Variants in GSDMA observed in about 807,000 individuals in gnomAD.
GSDMA encodes the protein gasdermin A.
GSDMA carries 55 observed loss-of-function variants against 54.3 expected under a neutral mutation model. That is an observed-to-expected ratio of 1.01 (90% CI 0.82 to 1.27). The LOEUF (loss-of-function observed/expected upper bound fraction) is 1.27, where lower values mean the gene tolerates loss of function less well. GSDMA is among the 50% of genes most tolerant of loss of function. The probability of loss-of-function intolerance (pLI) is 0.00; values close to 1 mark genes in which losing one functional copy is unlikely to be tolerated. For synonymous variants in GSDMA, 211 were observed against 224.7 expected (o/e 0.94, Z 0.54); for missense variants, 542 against 542.6 (o/e 1.00, Z 0.01).
Position 39,965,872 on chromosome 17 carries a change from A to G in GSDMA, c.185A>G (p.Asp62Gly). ...GTCCGCACCGACTACACGCTGCTGG[A>G]TGTGCTTGAGCCCGGCAGCTCACCT... is the stretch of plus-strand genomic sequence containing the variant. ...RYVRTDYTLL[D>G]VLEPGSSPSD... The change falls in exon 2 of 12, where the codon GAT (aspartate) becomes GGT (glycine). Residue 62 changes from aspartate (D) to glycine (G), a missense_variant. Physicochemically the swap from Asp to Gly is moderately conservative, Grantham distance 94 (BLOSUM62 -1). Coordinates refer to ENST00000301659, the MANE Select transcript of GSDMA (RefSeq NM_178171.5). The G allele has an allele frequency of 6.4e-7, 1 of 1,558,396 alleles. No individual in the cohort carries two copies. Among genetic ancestry groups the G allele is most frequent in the Non-Finnish European group, 8.7e-7 (1 of 1,151,336 alleles).
At chr17:39,974,867 T>C (rs768362984) in intron 9 of GSDMA, 33 bp from the exon 10 acceptor site, 3 of 1,295,082 alleles carry the variant, frequency 2.3e-6, no homozygotes, top group Non-Finnish European at 3.3e-6. Context: ...CTTTCCTATG[T>C]TATCTTCAAT....
At position 39,966,329 on chromosome 17, in the gene GSDMA, T is replaced by C. The variant is rs192169308; in HGVS notation, c.284T>C (p.Val95Ala). The change falls in exon 3 of 12, where the codon GTA becomes GCA. Residue 95 changes from valine (V) to alanine (A), a missense_variant. By Grantham distance (64) the Val-to-Ala change is moderately conservative (BLOSUM62 0). Transcript: ENST00000301659. ...LDTRVEGDVD[V>A]PKTVKVKGTA... Reference sequence around the variant, plus strand: ...ACCCGAGTGGAGGGAGATGTGGATGTACCAAAGACGGTGAAGGTGAAGGGA... The same window carrying C: ...ACCCGAGTGGAGGGAGATGTGGATGCACCAAAGACGGTGAAGGTGAAGGGA... 10 of 1,613,894 alleles carry C rather than the reference T, an allele frequency of 6.2e-6. No homozygotes were observed. In the Admixed American group the frequency reaches 1.0e-4, roughly 16 times the overall value.
At chr17:39,966,780 A>G (rs551858235) in intron 3 of GSDMA, among the ~76,000 whole-genome samples, 3 of 152,176 alleles carry the variant, frequency 2.0e-5, no homozygotes, top group African/African-American at 7.2e-5. Context: ...TTGAATGATC[A>G]TCTCTAAGGC....
intron 2 of GSDMA, 38 bp from the exon 3 acceptor site, chr17:39,966,222 C>T (rs1476313865): frequency 6.2e-7 from 1 of 1,609,148 alleles, no homozygotes; most frequent in Non-Finnish European, 8.5e-7. Context: ...TTACTGCACC[C>T]AGCCAGCCCA....
At chr17:39,972,289 C>A (rs1979989251) in intron 6 of GSDMA, 113 bp downstream of exon 6, 3 of 781,932 alleles carry the variant, frequency 3.8e-6, no homozygotes, top group Non-Finnish European at 6.4e-6. Context: ...GGAGCCTCTG[C>A]TTTTGTTTCC....
chr17:39,972,740 C>A, intron 7 of GSDMA, 127 bp downstream of exon 7: 1 of 865,876 alleles, frequency 1.2e-6, no homozygotes, highest in Non-Finnish European at 1.9e-6. Flanking sequence ...TAATTGTCCC[C>A]GAAACATGGC....
chr17:39,974,224 G>T, intron 8 of GSDMA, 49 bp from the exon 9 acceptor site: 1 of 1,551,188 alleles, frequency 6.4e-7, no homozygotes. Context: ...GCTGACTGGA[G>T]AGGAAGGTGC....
chr17:39,964,628 G>A (rs1379201536), intron 1 of GSDMA, among the ~76,000 whole-genome samples: 1 of 152,024 alleles, frequency 6.6e-6, no homozygotes, highest in African/African-American at 2.4e-5. Flanking sequence ...AGGGGAGTGG[G>A]TGTACTCATA....
chr17:39,966,608 C>T (rs1402714991), intron 3 of GSDMA, among the ~76,000 whole-genome samples, 171 bp downstream of exon 3: 1 of 152,164 alleles, frequency 6.6e-6, no homozygotes, highest in Non-Finnish European at 1.5e-5. Flanking sequence ...TGCATCCAGG[C>T]CATTTCCTAG....
At chr17:39,972,250 C>A in intron 6 of GSDMA, 74 bp downstream of exon 6, 3 of 1,011,996 alleles carry the variant, frequency 3.0e-6, no homozygotes, top group Non-Finnish European at 4.6e-6. Context: ...ATCCTCCACC[C>A]TCTCCTAGCT....
chr17:39,972,100 T>TGGCC, intron 5 of GSDMA, 29 bp from the exon 6 acceptor site: 7 of 835,082 alleles, frequency 8.4e-6, no homozygotes, highest in Non-Finnish European at 1.0e-5. Context: ...CTAAGTGTCC[T>TGGCC]CCCACCCTCC....
intron 3 of GSDMA, among the ~76,000 whole-genome samples, chr17:39,970,088 G>A (rs1046306393): frequency 1.3e-5 from 2 of 151,212 alleles, no homozygotes; most frequent in Admixed American, 6.6e-5. Flanking sequence ...GGAGGAAAGA[G>A]GGGGGGAGCA....
At chr17:39,973,784 T>G (rs1312355678) in intron 7 of GSDMA, 26 bp from the exon 8 acceptor site, 1 of 1,598,564 alleles carries the variant, frequency 6.3e-7, no homozygotes, top group African/African-American at 1.3e-5. Context: ...TGCATTCTTA[T>G]CTTTTTTTTT....
chr17:39,965,880 G>C lies in GSDMA; in HGVS notation c.193G>C (p.Glu65Gln), dbSNP rs1841401255. ...RTDYTLLDVL[E>Q]PGSSPSDPTD... Reference sequence around the variant, plus strand: ...CGACTACACGCTGCTGGATGTGCTTGAGCCCGGCAGCTCACCTTCAGGTCA... The same window carrying C: ...CGACTACACGCTGCTGGATGTGCTTCAGCCCGGCAGCTCACCTTCAGGTCA... The change falls in exon 2 of 12, where the codon GAG becomes CAG. Residue 65 changes from glutamate to glutamine, a missense_variant. Transcript: ENST00000301659. 1.3e-6 allele frequency: 2 copies of C among 1,555,432 alleles called. No homozygotes were observed. Among genetic ancestry groups the C allele is most frequent in the Non-Finnish European group, 1.7e-6 (2 of 1,149,552 alleles).
rs982400648 is a variant in GSDMA, at chr17:39,965,723, C to T, written c.36C>T (p.Ala12=). 6.2e-7 allele frequency: 1 copy of T among 1,611,164 alleles called. No homozygotes were observed. ...TTGAAAATGTCACCCGGGCCCTGGC[C>T]AGACAGCTAAACCCTCGAGGGGACC... ...TMFENVTRAL[A]RQLNPRGDLT... is the part of the protein sequence containing the mutation. The change falls in exon 2 of 12, where the codon GCC becomes GCT. Residue 12 remains alanine (A), a synonymous_variant. Coordinates refer to ENST00000301659, the MANE Select transcript of GSDMA (RefSeq NM_178171.5).
intron 2 of GSDMA, 26 bp downstream of exon 2, chr17:39,965,927 T>C: frequency 1.3e-6 from 2 of 1,537,680 alleles, no homozygotes; most frequent in Non-Finnish European, 1.8e-6. Flanking sequence ...GGCTGGGAAC[T>C]GAGGGATACT....
chr17:39,965,985 C>A, intron 2 of GSDMA, 84 bp downstream of exon 2: 1 of 1,282,078 alleles, frequency 7.8e-7, no homozygotes, highest in South Asian at 1.3e-5. Context: ...CCTCAAAGCT[C>A]CCTCTGGCCA....
chr17:39,974,992 C>G lies in GSDMA; in HGVS notation c.999C>G (p.Leu333=), dbSNP rs777894657. ...LLSKEAVGAI[L]YFVGALTELS... Reference sequence around the variant, plus strand: ...CAAAGGAGGCCGTGGGCGCCATCCTCTATTTCGTTGGAGCCCTAACAGGTA... The same window carrying G: ...CAAAGGAGGCCGTGGGCGCCATCCTGTATTTCGTTGGAGCCCTAACAGGTA... The change falls in exon 10 of 12, where the codon CTC becomes CTG. Residue 333 remains leucine (L), a synonymous_variant. Coordinates refer to ENST00000301659, the MANE Select transcript of GSDMA (RefSeq NM_178171.5). The G allele has an allele frequency of 1.7e-5, 28 of 1,611,416 alleles. No homozygotes were observed. The highest frequency in any genetic ancestry group is 2.4e-5 in the Non-Finnish European group (28 of 1,178,102).
rs200440043 is a variant in GSDMA at position 39,977,291 on chromosome 17, TC to T, written c.*234del. The stretch of plus-strand genomic sequence containing the variant: ...GCTTAAATTTTCTTTACTTTTCTTT[TC>T]TTTTTTTTTTTTTTTTTGAGATGGA... On this transcript the variant is annotated 3_prime_UTR_variant, in exon 12 of 12. Coordinates refer to ENST00000301659, the MANE Select transcript of GSDMA (RefSeq NM_178171.5). 0.47 allele frequency: 67,485 copies of T among 144,602 alleles called. 11,628 individuals carry two copies. Among genetic ancestry groups the T allele is most frequent in the Admixed American group, 0.54 (4,958 of 9,242 alleles). 9.0% of individuals were successfully genotyped at this position (144,602 alleles called of 1,614,324 possible).
Sources: gnomAD v4.1 joint callset for allele counts (sites outside exome capture counted in the v4.1 genomes callset) on GRCh38, gnomAD v4.1.1 for gene constraint, MANE v1.5 for transcripts, NCBI Gene and HGNC (gene_info 2026-07-23, HGNC 2026-07-21) for gene names.